The following MYRIP variants were observed in gnomAD, a reference collection of about 807,000 sequenced individuals.
The protein encoded by MYRIP is myosin VIIA and Rab interacting protein, also known as rab effector MyRIP.
Under a neutral mutation model 98.0 loss-of-function variants are expected in MYRIP, and 49 were observed. That is an observed-to-expected ratio of 0.50 (90% CI 0.40 to 0.63). The LOEUF (loss-of-function observed/expected upper bound fraction) is 0.63, where lower values mean the gene tolerates loss of function less well. Among genes scored for constraint, MYRIP ranks in the 30% least tolerant of loss-of-function variants. The pLI, the probability that MYRIP is intolerant of heterozygous loss-of-function variation, is 0.00. For synonymous variants in MYRIP, 404 were observed against 409.5 expected (o/e 0.99, Z 0.16); for missense variants, 1,004 against 1,058.2 (o/e 0.95, Z 0.71).
chr3:40,006,773 G>C (rs538708219), intron 2 of MYRIP, among the ~76,000 whole-genome samples: 3 of 152,212 alleles, frequency 2.0e-5, no homozygotes, highest in Non-Finnish European at 4.4e-5. Context: ...TTTGACCACT[G>C]TTAAGACACA....
chr3:39,934,482 A>T lies in MYRIP; in HGVS notation c.110+33556A>T, dbSNP rs975674322. Among the ~76,000 whole-genome samples the T allele has an allele frequency of 6.6e-5, 10 of 152,144 alleles. No homozygotes were observed. The East Asian group carries it at 1.9e-3, about 29-fold the overall frequency. ...GAGCTGGAGGAGAGCCCAAACCAGCATGCTATGCAAGCAGAATCATGGCAG... is the reference window on the plus strand; with the variant it reads ...GAGCTGGAGGAGAGCCCAAACCAGCTTGCTATGCAAGCAGAATCATGGCAG... On this transcript the variant is annotated intron_variant, in intron 2 of 16. Transcript: ENST00000302541.
intron 3 of MYRIP, among the ~76,000 whole-genome samples, chr3:40,122,248 T>A (rs1949419724): frequency 1.3e-5 from 2 of 151,696 alleles, no homozygotes. Context: ...GAAAAAGAAA[T>A]TGGACATGTA....
At chr3:39,835,091 A>G (rs1347590970) in intron 1 of MYRIP, among the ~76,000 whole-genome samples, 1 of 152,210 alleles carries the variant, frequency 6.6e-6, no homozygotes, top group African/African-American at 2.4e-5. Context: ...ACAGAAAAAG[A>G]CATTGAGAAT....
intron 1 of MYRIP, among the ~76,000 whole-genome samples, chr3:39,861,111 C>A (rs1942456161): frequency 6.6e-6 from 1 of 152,194 alleles, no homozygotes; most frequent in African/African-American, 2.4e-5. Flanking sequence ...ACCAGTGGTC[C>A]AGGAACATGT....
chr3:39,957,776 A>G (rs1033969569), intron 2 of MYRIP, among the ~76,000 whole-genome samples: 2 of 152,208 alleles, frequency 1.3e-5, no homozygotes, highest in Non-Finnish European at 2.9e-5. Context: ...ATATTTAGAA[A>G]ACCCCATTGT....
chr3:39,941,234 C>A (rs1944776522), intron 2 of MYRIP, among the ~76,000 whole-genome samples: 1 of 152,112 alleles, frequency 6.6e-6, no homozygotes, highest in Non-Finnish European at 1.5e-5. Context: ...CCTCAGGAAG[C>A]TTTTACTCGT....
intron 8 of MYRIP, chr3:40,173,609 T>TGAAA (rs1377501817): frequency 2.6e-5 from 4 of 152,236 alleles, no homozygotes; most frequent in African/African-American, 9.6e-5. Context: ...AAGTACTGGC[T>TGAAA]GAAAGCAGCT....
In MYRIP at chr3:40,214,227, G is replaced by GCTA. The variant is rs149285652; in HGVS notation, c.1905+4137_1905+4139dup. Among the ~76,000 whole-genome samples the GCTA allele has an allele frequency of 5.0e-3, 759 of 152,306 alleles. 1 individual carries two copies. The highest frequency in any genetic ancestry group is 0.016 in the African/African-American group (684 of 41,572). On this transcript the variant is annotated intron_variant, in intron 11 of 16. Coordinates refer to ENST00000302541, the MANE Select transcript of MYRIP (RefSeq NM_015460.4). ...GTGAGGAAGTCTAACCACCAAATTG[G>GCTA]CTACTGATAGGCCTCATCTCACCAA...
At chr3:40,006,298 G>A (rs1295640041) in intron 2 of MYRIP, among the ~76,000 whole-genome samples, 1 of 152,112 alleles carries the variant, frequency 6.6e-6, no homozygotes, top group African/African-American at 2.4e-5. Context: ...TTAGTACCCA[G>A]CTTAGAAGGA....
At chr3:39,861,656 T>A (rs954484599) in intron 1 of MYRIP, among the ~76,000 whole-genome samples, 1 of 152,138 alleles carries the variant, frequency 6.6e-6, no homozygotes, top group South Asian at 2.1e-4. Context: ...ACCAAACTGA[T>A]CTGATAGAGC....
Position 39,876,239 on chromosome 3 carries a change from C to G in MYRIP, c.-30-24548C>G, listed in dbSNP as rs192767618. 9.1e-3 allele frequency among the ~76,000 whole-genome samples: 1,384 copies of G among 151,590 alleles called. 23 individuals are homozygous for G. Among genetic ancestry groups the G allele is most frequent in the African/African-American group, 0.027 (1,108 of 41,052 alleles). On this transcript the variant is annotated intron_variant, in intron 1 of 16. Coordinates refer to ENST00000302541, the MANE Select transcript of MYRIP (RefSeq NM_015460.4). Reference sequence around the variant, plus strand: ...TTATTTTGAACCTATGTGTGTCTGTCCACGTGAGATGGGTTTCCTGAATAC... The same window carrying G: ...TTATTTTGAACCTATGTGTGTCTGTGCACGTGAGATGGGTTTCCTGAATAC...
intron 3 of MYRIP, among the ~76,000 whole-genome samples, chr3:40,085,078 AAT>A (rs1197777171): frequency 2.0e-5 from 3 of 150,846 alleles, no homozygotes; most frequent in East Asian, 2.0e-4. Context: ...ATCCACAGAT[AAT>A]ATGTGTCTAT....
intron 3 of MYRIP, among the ~76,000 whole-genome samples, chr3:40,082,450 C>A (rs957290384): frequency 6.6e-6 from 1 of 152,130 alleles, no homozygotes; most frequent in Non-Finnish European, 1.5e-5. Flanking sequence ...ATTTCATACA[C>A]CTGTCTTTTT....
chr3:39,934,542 G>A (rs1944614625), intron 2 of MYRIP, among the ~76,000 whole-genome samples: 1 of 152,074 alleles, frequency 6.6e-6, no homozygotes, highest in African/African-American at 2.4e-5. Flanking sequence ...GAAAGGAGAA[G>A]AACAAGGTCC....
chr3:40,189,921 G>A lies in MYRIP; in HGVS notation c.1123G>A (p.Gly375Arg), dbSNP rs1160458604. 1.3e-5 allele frequency: 21 copies of A among 1,614,076 alleles called. No homozygotes were observed. Among genetic ancestry groups the A allele is most frequent in the Middle Eastern group, 1.6e-4 (1 of 6,084 alleles). The change falls in exon 10 of 17, where the codon GGG becomes AGG. Residue 375 changes from glycine to arginine, a missense_variant. This residue lies in a region of MYRIP where 880 missense variants were observed against 907.7 expected (regional missense o/e 0.97). Coordinates refer to ENST00000302541, the MANE Select transcript of MYRIP (RefSeq NM_015460.4). ...CCGACTACTGGCCAAACCTAAGAGCGGGACGTTTCAGGCCCTGGAGGTGGC... is the reference window on the plus strand; with the variant it reads ...CCGACTACTGGCCAAACCTAAGAGCAGGACGTTTCAGGCCCTGGAGGTGGC... ...PTRLLAKPKS[G>R]TFQALEVASS...
chr3:39,996,933 A>G (rs1316370338), intron 2 of MYRIP, among the ~76,000 whole-genome samples: 1 of 152,184 alleles, frequency 6.6e-6, no homozygotes, highest in Non-Finnish European at 1.5e-5. Context: ...CTGAATGACT[A>G]CTGGGTACGT....
chr3:40,257,840 G>T (rs569045653), intron 16 of MYRIP, among the ~76,000 whole-genome samples: 1 of 152,270 alleles, frequency 6.6e-6, no homozygotes, highest in African/African-American at 2.4e-5. Context: ...AACTAGTAAA[G>T]AAGGTATGGA....
intron 2 of MYRIP, among the ~76,000 whole-genome samples, chr3:39,988,313 T>TAA (rs59720924): frequency 1.4e-5 from 2 of 147,400 alleles, no homozygotes; most frequent in African/African-American, 4.9e-5. Flanking sequence ...AGTATAATGA[T>TAA]AAAAAAAAAA....
intron 3 of MYRIP, among the ~76,000 whole-genome samples, chr3:40,129,798 A>G (rs1949601875): frequency 6.6e-6 from 1 of 152,190 alleles, no homozygotes; most frequent in Non-Finnish European, 1.5e-5. Flanking sequence ...TCCTTCTCAC[A>G]ACTGTATTGT....
Sources: allele counts gnomAD v4.1 joint callset (sites outside exome capture counted in the v4.1 genomes callset), GRCh38; gene constraint gnomAD v4.1.1; regional missense constraint gnomAD v4.1.1; transcripts MANE v1.5; gene names NCBI Gene and HGNC (gene_info 2026-07-23, HGNC 2026-07-21).